Variants in TULP4 observed in about 807,000 individuals in gnomAD.
TULP4 encodes tubby-related protein 4.
In TULP4, 16 loss-of-function variants were observed where a neutral mutation model predicts 129.0. That is an observed-to-expected ratio of 0.12 (90% confidence interval 0.08 to 0.19). TULP4 has a LOEUF of 0.19. TULP4 is among the 10% of genes least tolerant of loss of function. The pLI, the probability that TULP4 is intolerant of heterozygous loss-of-function variation, is 1.00. For missense variants in TULP4, 1,842 were observed against 2,059.1 expected (o/e 0.89, Z 2.04); for synonymous variants, 998 against 854.0 (o/e 1.17, Z -2.94).
At chr6:158,464,445 T>C (rs1432971417) in intron 6 of TULP4, among the ~76,000 whole-genome samples, 1 of 152,142 alleles carries the variant, frequency 6.6e-6, no homozygotes, top group Non-Finnish European at 1.5e-5. Context: ...TGAGTTAAGG[T>C]AAGGGGGTTG....
chr6:158,250,239 C>T (rs1778114397), intron 1 of TULP4, among the ~76,000 whole-genome samples: 1 of 151,896 alleles, frequency 6.6e-6, no homozygotes, highest in South Asian at 2.1e-4. Context: ...CTTACTGCAG[C>T]CTCCGCCTCC....
intron 6 of TULP4, among the ~76,000 whole-genome samples, chr6:158,468,122 T>C (rs1779595106): frequency 6.6e-6 from 1 of 152,238 alleles, no homozygotes; most frequent in Admixed American, 6.5e-5. Flanking sequence ...GCGACTCCAC[T>C]CGCATTTATT....
intron 2 of TULP4, among the ~76,000 whole-genome samples, chr6:158,416,749 TCA>T (rs1778219875): frequency 1.3e-5 from 2 of 152,206 alleles, no homozygotes; most frequent in African/African-American, 2.4e-5. Context: ...CACTCTCCAC[TCA>T]CTCTCTGGCT....
At chr6:158,284,018 C>T (rs1229880896) in intron 1 of TULP4, among the ~76,000 whole-genome samples, 1 of 152,162 alleles carries the variant, frequency 6.6e-6, no homozygotes. Flanking sequence ...GGAAAACTCT[C>T]CTACTCTAAG....
At position 158,318,225 on chromosome 6, in the gene TULP4, T is replaced by G. The variant is rs181948988; in HGVS notation, c.252+3957T>G. 4.6e-3 allele frequency among the ~76,000 whole-genome samples: 701 copies of G among 152,282 alleles called. 7 individuals are homozygous for G. Among genetic ancestry groups the G allele is most frequent in the African/African-American group, 0.016 (674 of 41,560 alleles). ...TTGTAATCCCAGCACTTTGGGAAGC[T>G]GAGGCGGGAAGATTGCTTGAGCTTA... On this transcript the variant is annotated intron_variant, in intron 1 of 13. Coordinates refer to ENST00000367097, the MANE Select transcript of TULP4 (RefSeq NM_020245.5).
intron 1 of TULP4, among the ~76,000 whole-genome samples, chr6:158,364,803 C>T (rs1168989414): frequency 2.6e-5 from 4 of 152,164 alleles, no homozygotes; most frequent in Non-Finnish European, 5.9e-5. Context: ...GTGGCGTGAT[C>T]TTGGCTCACT....
chr6:158,502,578 G>A lies in TULP4; in HGVS notation c.2915G>A (p.Arg972Gln), dbSNP rs146885905. 507 of 1,603,856 alleles carry A rather than the reference G, an allele frequency of 3.2e-4. 3 individuals are homozygous for A. In the Admixed American group the frequency reaches 7.1e-3, roughly 22 times the overall value. The change falls in exon 13 of 14, where the codon CGG becomes CAG. Residue 972 changes from arginine to glutamine, a missense_variant. Coordinates refer to ENST00000367097, the MANE Select transcript of TULP4 (RefSeq NM_020245.5). Reference protein sequence around the residue: ...PEIASQLAQGRGAAQRSDNSL... With the variant: ...PEIASQLAQGQGAAQRSDNSL... ...ATTGCCAGCCAGCTGGCCCAGGGGC[G>A]GGGGGCTGCCCAGAGGTCCGACAAT...
chr6:158,492,929 A>G (rs760566743), intron 9 of TULP4, among the ~76,000 whole-genome samples: 18 of 152,190 alleles, frequency 1.2e-4, no homozygotes, highest in South Asian at 2.1e-4. Context: ...AAACTTTACT[A>G]ATTTGATTTA....
chr6:158,325,832 A>G (rs1014592879), intron 1 of TULP4, among the ~76,000 whole-genome samples: 4 of 152,132 alleles, frequency 2.6e-5, no homozygotes, highest in Non-Finnish European at 4.4e-5. Context: ...TATCACTGTA[A>G]TAGTTATACA....
At chr6:158,350,162 C>G (rs1434309041) in intron 1 of TULP4, among the ~76,000 whole-genome samples, 2 of 150,780 alleles carry the variant, frequency 1.3e-5, no homozygotes, top group African/African-American at 4.9e-5. Flanking sequence ...CACTTCCTCC[C>G]AGACGGGGCG....
At position 158,507,368 on chromosome 6, in the gene TULP4, G is replaced by C. The variant is rs1202692381; in HGVS notation, c.*674G>C. ...AAGAAGAAACTGCACGTATACACAG[G>C]TTCACATCACTCTGCAGACAGCAAT... On this transcript the variant is annotated 3_prime_UTR_variant, in exon 14 of 14. Coordinates refer to ENST00000367097, the MANE Select transcript of TULP4 (RefSeq NM_020245.5). 6.5e-6 allele frequency: 1 copy of C among 152,928 alleles called. No individual in the cohort carries two copies. The highest frequency in any genetic ancestry group is 1.5e-5 in the Non-Finnish European group (1 of 68,586). The allele number at this position is 152,928 out of a possible 1,614,324, so 9.5% of individuals were successfully genotyped here. A position where few individuals can be genotyped will look rare whatever the true frequency, so the allele number is the denominator to read the frequency against.
chr6:158,424,404 C>T (rs1365321969), intron 2 of TULP4, among the ~76,000 whole-genome samples: 1 of 152,084 alleles, frequency 6.6e-6, no homozygotes, highest in East Asian at 1.9e-4. Context: ...TGCGCACTAC[C>T]ACACCTGGCT....
In TULP4 at chr6:158,493,775, G is replaced by C. The variant is rs2128257621; in HGVS notation, c.1776+58G>C. On this transcript the variant is annotated intron_variant, in intron 10 of 13. Coordinates refer to ENST00000367097, the MANE Select transcript of TULP4 (RefSeq NM_020245.5). This position sits in a 1 kb window ranked among gnomAD's most constrained non-coding sequence, Gnocchi z 4.4. ...CTCCTCCTGGGGGCTATGCCCAGAG[G>C]GCCCCTTCCTACCCGCCGCCTGCAC... 1.4e-6 allele frequency: 2 copies of C among 1,473,282 alleles called. No homozygotes were observed. Among genetic ancestry groups the C allele is most frequent in the East Asian group, 2.6e-5 (1 of 38,068 alleles). The allele number at this position is 1,473,282 out of a possible 1,614,324, so 91.3% of individuals were successfully genotyped here.
At chr6:158,447,073 G>A (rs913807216) in intron 3 of TULP4, among the ~76,000 whole-genome samples, 6 of 152,140 alleles carry the variant, frequency 3.9e-5, no homozygotes, top group African/African-American at 1.4e-4. Context: ...CCACAGTAAA[G>A]GGATGAGAAT....
chr6:158,453,952 C>T (rs1300277588), intron 5 of TULP4, among the ~76,000 whole-genome samples: 2 of 118,716 alleles, frequency 1.7e-5, no homozygotes, highest in African/African-American at 6.8e-5. Flanking sequence ...GACTCCGTCT[C>T]AAAAAAAAAA....
intron 1 of TULP4, among the ~76,000 whole-genome samples, chr6:158,248,471 G>T (rs1778074579): frequency 6.6e-6 from 1 of 152,066 alleles, no homozygotes; most frequent in African/African-American, 2.4e-5. Flanking sequence ...GGGTTTCATT[G>T]TGTTAGCCAG....
intron 1 of TULP4, among the ~76,000 whole-genome samples, chr6:158,296,304 A>G (rs575439201): frequency 1.3e-5 from 2 of 152,048 alleles, no homozygotes; most frequent in African/African-American, 2.4e-5. Flanking sequence ...CAATATTTCA[A>G]CGTAGGTTCT....
chr6:158,493,966 C>T lies in TULP4; in HGVS notation c.1776+249C>T, dbSNP rs1254076185. ...GAGAACCTCCCACTTCCCATCACAG[C>T]TCCCACCGTCCAGCCCTGCCTGCCT... On this transcript the variant is annotated intron_variant, in intron 10 of 13. Coordinates refer to ENST00000367097, the MANE Select transcript of TULP4 (RefSeq NM_020245.5). This position sits in a 1 kb window ranked among gnomAD's most constrained non-coding sequence, Gnocchi z 4.4. Among the ~76,000 whole-genome samples the T allele has an allele frequency of 2.0e-5, 3 of 152,174 alleles. No homozygotes were observed. Among genetic ancestry groups the T allele is most frequent in the Non-Finnish European group, 4.4e-5 (3 of 68,030 alleles).
chr6:158,405,645 C>T lies in TULP4; in HGVS notation c.253-7420C>T, dbSNP rs146958179. Among the ~76,000 whole-genome samples, 417 of 152,214 alleles carry T rather than the reference C, an allele frequency of 2.7e-3. 6 individuals are homozygous for T. The highest frequency in any genetic ancestry group is 9.8e-3 in the African/African-American group (405 of 41,532). ...CAAGTCTAGACACATTCCAGAGCCA[C>T]GAGCCCTGGATTCTATCCAAGCCAC... On this transcript the variant is annotated intron_variant, in intron 1 of 13. Transcript: ENST00000367097.
Sources: gnomAD v4.1 joint callset for allele counts (sites outside exome capture counted in the v4.1 genomes callset) on GRCh38, gnomAD v4.1.1 for gene constraint, Gnocchi (gnomAD v3.1) non-coding constraint, MANE v1.5 for transcripts, NCBI Gene and HGNC (gene_info 2026-07-23, HGNC 2026-07-21) for gene names.